Variants in TTC5 observed in about 807,000 individuals in gnomAD.
The protein encoded by TTC5 is tetratricopeptide repeat protein 5.
TTC5 carries 46 observed loss-of-function variants against 57.4 expected under a neutral mutation model. The ratio of observed to expected loss-of-function variants is 0.80; its 90% confidence interval spans 0.63 to 1.03. The LOEUF (loss-of-function observed/expected upper bound fraction) is 1.03, where lower values mean the gene tolerates loss of function less well. TTC5 is among the 50% of genes least tolerant of loss of function. The probability of loss-of-function intolerance (pLI) is 0.00; values close to 1 mark genes in which losing one functional copy is unlikely to be tolerated. For missense variants in TTC5, 504 were observed against 528.1 expected (o/e 0.95, Z 0.45); for synonymous variants, 190 against 203.5 (o/e 0.93, Z 0.57).
chr14:20,299,187 C>A (rs969481013), intron 4 of TTC5, 111 bp downstream of exon 4: 2 of 1,197,072 alleles, frequency 1.7e-6, no homozygotes, highest in African/African-American at 3.1e-5. Context: ...AACAAAGATG[C>A]CCTCTCTGGC....
In TTC5 at chr14:20,289,589, C is replaced by G. The variant is rs1746630943; in HGVS notation, c.*38G>C. 6.3e-7 allele frequency: 1 copy of G among 1,590,870 alleles called. No individual in the cohort carries two copies. Among genetic ancestry groups the G allele is most frequent in the Non-Finnish European group, 8.6e-7 (1 of 1,167,712 alleles). ...GGACCGGCTGTCCAGAGCCTTGTCT[C>G]CTCTCCTCCACTCCCTGTTGAGCAT... On this transcript the variant is annotated 3_prime_UTR_variant, in exon 10 of 10. Coordinates refer to ENST00000258821, the MANE Select transcript of TTC5 (RefSeq NM_138376.3).
At chr14:20,293,643 C>CT (rs1566389326) in intron 8 of TTC5, 2 of 152,100 alleles carry the variant, frequency 1.3e-5, no homozygotes, top group Non-Finnish European at 2.9e-5. Flanking sequence ...TGGAGGAAAC[C>CT]AGAGAATCAG....
Position 20,298,860 on chromosome 14 carries a change from A to G in TTC5, c.576T>C (p.Leu192=), listed in dbSNP as rs747797975. 3.1e-6 allele frequency: 5 copies of G among 1,613,940 alleles called. No individual in the cohort carries two copies. The South Asian group carries it at 5.5e-5, about 18-fold the overall frequency. Residue 192 remains leucine, a synonymous_variant, in exon 5 of 10, where the codon CTT becomes CTC. Coordinates refer to ENST00000258821, the MANE Select transcript of TTC5 (RefSeq NM_138376.3). ...WYILGNSYLS[L]YFSTGQNPKI... is the part of the protein sequence containing the mutation. Reference sequence around the variant, plus strand: ...TAGGGTTCTGGCCAGTAGAGAAGTAAAGGGAAAGATATGAATTCCCAAGAA... The same window carrying G: ...TAGGGTTCTGGCCAGTAGAGAAGTAGAGGGAAAGATATGAATTCCCAAGAA...
intron 3 of TTC5, among the ~76,000 whole-genome samples, 174 bp from the exon 4 acceptor site, chr14:20,299,622 C>T (rs183022454): frequency 1.5e-4 from 23 of 152,266 alleles, no homozygotes; most frequent in South Asian, 6.2e-4. Flanking sequence ...GGCGTGATCT[C>T]GGCTCACTGC....
At position 20,286,772 on chromosome 14, in the gene TTC5, A is replaced by T. The variant is rs980919479; in HGVS notation, c.*2855T>A. 1.3e-5 allele frequency: 2 copies of T among 152,010 alleles called. No homozygotes were observed. Among genetic ancestry groups the T allele is most frequent in the Non-Finnish European group, 2.9e-5 (2 of 67,982 alleles). 9.4% of individuals were successfully genotyped at this position (152,010 alleles called of 1,614,324 possible). On this transcript the variant is annotated 3_prime_UTR_variant, in exon 10 of 10. Transcript: ENST00000258821. ...AAAAAAAAAAACAGGATAAAACTGT[A>T]TGTAGACAAACGATTAGTACAGGGA...
rs752972777 is a variant in TTC5, at chr14:20,300,593, AG to A, written c.396+13del. 6 of 1,603,358 alleles carry A rather than the reference AG, an allele frequency of 3.7e-6. No individual in the cohort carries two copies. In the South Asian group the frequency reaches 6.6e-5, roughly 18 times the overall value. ...TCCCATCTCTGCTTTCCAAAGGGAT[AG>A]GGGGCAGCTCACATGGGTGAGGGCT... On this transcript the variant is annotated intron_variant, in intron 3 of 9. Coordinates refer to ENST00000258821, the MANE Select transcript of TTC5 (RefSeq NM_138376.3).
At chr14:20,304,710 G>T (rs140558944) in intron 1 of TTC5, among the ~76,000 whole-genome samples, 2 of 152,242 alleles carry the variant, frequency 1.3e-5, no homozygotes, top group Non-Finnish European at 2.9e-5. Context: ...ATTTCCTTTT[G>T]TCCTGCAATC....
intron 8 of TTC5, chr14:20,294,595 A>G (rs1051827250): frequency 3.3e-5 from 5 of 152,206 alleles, no homozygotes; most frequent in African/African-American, 1.2e-4. Context: ...TCCAGTGCCT[A>G]GAAAGACAAT....
rs764571358 is a variant in TTC5 at position 20,295,439 on chromosome 14, A to C, written c.931T>G (p.Ser311Ala). The C allele has an allele frequency of 1.1e-5, 18 of 1,614,110 alleles. No individual in the cohort carries two copies. The South Asian group carries it at 1.9e-4, about 17-fold the overall frequency. ...AGGGTCACTTTCTGCCCAGAGGCTG[A>C]CTGATAGTGCCCATCACTGCAAGGG... ...LGPCSDGHYQ[S>A]ASGQKVTLEL... is the part of the protein sequence containing the mutation. The change falls in exon 8 of 10, where the codon TCA becomes GCA. Residue 311 changes from serine (S) to alanine (A), a missense_variant. Coordinates refer to ENST00000258821, the MANE Select transcript of TTC5 (RefSeq NM_138376.3).
rs1881966823 is a variant in TTC5, at chr14:20,292,141, A to C, written c.1059-14T>G. ...AGGCCAAATGTACTACCAAGTAAAG[A>C]CAGATTAGGAGAGAGGAAAACAAAA... On this transcript the variant is annotated splice_polypyrimidine_tract_variant and intron_variant, in intron 8 of 9. Transcript: ENST00000258821. 2 of 1,533,728 alleles carry C rather than the reference A, an allele frequency of 1.3e-6. No individual in the cohort carries two copies. Among genetic ancestry groups the C allele is most frequent in the Non-Finnish European group, 1.8e-6 (2 of 1,139,340 alleles).
At chr14:20,299,636 C>A (rs188049633) in intron 3 of TTC5, among the ~76,000 whole-genome samples, 188 bp from the exon 4 acceptor site, 14 of 152,294 alleles carry the variant, frequency 9.2e-5, no homozygotes, top group African/African-American at 1.4e-4. Flanking sequence ...TCACTGCAAC[C>A]TTTGCCTCCC....
In TTC5 at chr14:20,291,627, C is replaced by A. The variant is rs115104803; in HGVS notation, c.1203+356G>T. On this transcript the variant is annotated intron_variant, in intron 9 of 9. Coordinates refer to ENST00000258821, the MANE Select transcript of TTC5 (RefSeq NM_138376.3). Reference sequence around the variant, plus strand: ...TATGTAAAAACATAGGAAACATTCACAAACATTTGCATATAATATCCCACT... The same window carrying A: ...TATGTAAAAACATAGGAAACATTCAAAAACATTTGCATATAATATCCCACT... Among the ~76,000 whole-genome samples the A allele has an allele frequency of 1.6e-3, 244 of 152,142 alleles. 1 individual carries two copies. The highest frequency in any genetic ancestry group is 5.6e-3 in the African/African-American group (233 of 41,520).
Position 20,291,988 on chromosome 14 carries a change from C to G in TTC5, c.1198G>C (p.Gly400Arg). The G allele has an allele frequency of 6.3e-7, 1 of 1,581,580 alleles. No individual in the cohort carries two copies. Among genetic ancestry groups the G allele is most frequent in the South Asian group, 1.2e-5 (1 of 85,030 alleles). Reference sequence around the variant, plus strand: ...GAATCCTAGCCATTGCTCACCTTTCCTTTGTGCTGAATTCGGTGAAGCCGC... The same window carrying G: ...GAATCCTAGCCATTGCTCACCTTTCGTTTGTGCTGAATTCGGTGAAGCCGC... ...NLRLHRIQHK[G>R]KDYSFSSVRV... Residue 400 changes from glycine (G) to arginine (R), a missense_variant, in exon 9 of 10, where the codon GGA (glycine) becomes CGA (arginine). Transcript: ENST00000258821.
At position 20,302,165 on chromosome 14, in the gene TTC5, A is replaced by G. The variant is rs557447474; in HGVS notation, c.52-200T>C. 2.6e-5 allele frequency among the ~76,000 whole-genome samples: 4 copies of G among 152,324 alleles called. No individual in the cohort carries two copies. The East Asian group carries it at 7.7e-4, about 29-fold the overall frequency. ...CAGCCAGTACCCCAGGCCAGCTCTC[A>G]TGGTCCCATGTTGTCCCATGCCAGT... On this transcript the variant is annotated intron_variant, in intron 1 of 9. Transcript: ENST00000258821.
intron 1 of TTC5, among the ~76,000 whole-genome samples, chr14:20,304,529 T>A (rs1430355061): frequency 6.6e-6 from 1 of 152,228 alleles, no homozygotes; most frequent in Non-Finnish European, 1.5e-5. Flanking sequence ...ACCATCTCCA[T>A]GAACAGCAAC....
intron 6 of TTC5, 23 bp downstream of exon 6, chr14:20,296,367 T>C: frequency 6.3e-7 from 1 of 1,599,696 alleles, no homozygotes; most frequent in East Asian, 2.2e-5. Context: ...GACCCTCAGA[T>C]GACTACACCC....
chr14:20,304,242 T>C (rs1882246748), intron 1 of TTC5, among the ~76,000 whole-genome samples: 1 of 152,210 alleles, frequency 6.6e-6, no homozygotes, highest in African/African-American at 2.4e-5. Context: ...TAACTATCCC[T>C]GTTCTAACAA....
chr14:20,298,648 A>G, intron 5 of TTC5, 149 bp downstream of exon 5: 1 of 597,328 alleles, frequency 1.7e-6, no homozygotes, highest in Non-Finnish European at 3.0e-6. Flanking sequence ...TCATCTCTGC[A>G]GACACATCTT....
At chr14:20,291,938 C>T (rs2089594864) in intron 9 of TTC5, 45 bp downstream of exon 9, 2 of 1,469,018 alleles carry the variant, frequency 1.4e-6, no homozygotes, top group Non-Finnish European at 1.8e-6. Flanking sequence ...CTTGGTTCTA[C>T]TTTTAGAGCC....
Sources: allele counts gnomAD v4.1 joint callset (sites outside exome capture counted in the v4.1 genomes callset), GRCh38; gene constraint gnomAD v4.1.1; transcripts MANE v1.5; gene names NCBI Gene and HGNC (gene_info 2026-07-23, HGNC 2026-07-21).